PHC3: variants seen among roughly 807,000 people sequenced by gnomAD.
PHC3 encodes polyhomeotic-like protein 3.
In PHC3, 13 loss-of-function variants were observed where a neutral mutation model predicts 107.4. That is an observed-to-expected ratio of 0.12 (90% CI 0.08 to 0.19). The LOEUF is 0.19. Among genes scored for constraint, PHC3 ranks in the 10% least tolerant of loss-of-function variants. PHC3 has a pLI of 1.00. For synonymous variants in PHC3, 456 were observed against 427.4 expected, an observed-to-expected ratio of 1.07 and a Z score of -0.83; for missense variants, 992 against 1,210.9, an observed-to-expected ratio of 0.82 and a Z score of 2.68.
At position 170,126,150 on chromosome 3, in the gene PHC3, CCA is replaced by C; in HGVS notation, c.1788+2532_1788+2533del. ...AAATTCACCCTTATCTTTCAAATTTCCACATCTCTTAAAAAATACATCTTTCT... is the reference window on the plus strand; with the variant it reads ...AAATTCACCCTTATCTTTCAAATTTCCATCTCTTAAAAAATACATCTTTCT... On this transcript the variant is annotated intron_variant, in intron 8 of 14. Coordinates refer to ENST00000495893, the MANE Select transcript of PHC3 (RefSeq NM_024947.4). 1.7e-5 allele frequency: 3 copies of C among 174,884 alleles called. No homozygotes were observed. The Middle Eastern group carries it at 8.9e-3, about 517-fold the overall frequency. The allele number at this position is 174,884 out of a possible 1,614,324, so 10.8% of individuals were successfully genotyped here.
chr3:170,164,192 T>A (rs1728369249), intron 4 of PHC3, among the ~76,000 whole-genome samples: 1 of 151,990 alleles, frequency 6.6e-6, no homozygotes, highest in Non-Finnish European at 1.5e-5. Flanking sequence ...TGAGATAGTA[T>A]CTCCTAACAA....
intron 8 of PHC3, among the ~76,000 whole-genome samples, chr3:170,125,105 C>A (rs1212201866): frequency 6.6e-6 from 1 of 152,070 alleles, no homozygotes; most frequent in African/African-American, 2.4e-5. Context: ...AAGTTATTTG[C>A]TCACAACCCT....
intron 4 of PHC3, among the ~76,000 whole-genome samples, chr3:170,155,235 G>C (rs936289003): frequency 1.3e-5 from 2 of 152,172 alleles, no homozygotes; most frequent in African/African-American, 2.4e-5. Flanking sequence ...TCACTGATCA[G>C]AATCAATCAG....
intron 6 of PHC3, among the ~76,000 whole-genome samples, chr3:170,144,721 T>G (rs1456427417): frequency 6.6e-6 from 1 of 152,206 alleles, no homozygotes; most frequent in East Asian, 1.9e-4. Context: ...TTTGCATTTC[T>G]GTAATGATTA....
intron 4 of PHC3, among the ~76,000 whole-genome samples, chr3:170,159,298 T>A (rs1577211261): frequency 1.4e-5 from 2 of 143,240 alleles, no homozygotes; most frequent in African/African-American, 2.6e-5. Flanking sequence ...ATAACAGAGA[T>A]CCAAAGTATT....
chr3:170,123,925 C>T (rs1015322117), intron 8 of PHC3, among the ~76,000 whole-genome samples: 5 of 151,656 alleles, frequency 3.3e-5, no homozygotes, highest in African/African-American at 1.2e-4. Context: ...CAGCTCACTG[C>T]AATCTCTGCC....
At chr3:170,141,527 T>A (rs1577131871) in intron 6 of PHC3, among the ~76,000 whole-genome samples, 1 of 152,352 alleles carries the variant, frequency 6.6e-6, no homozygotes, top group Non-Finnish European at 1.5e-5. Flanking sequence ...AGAAAAATTG[T>A]GCTCCTCAGA....
intron 4 of PHC3, among the ~76,000 whole-genome samples, chr3:170,156,542 G>A (rs1318999669): frequency 1.3e-5 from 2 of 151,816 alleles, no homozygotes; most frequent in African/African-American, 2.4e-5. Flanking sequence ...GTGAGCCATC[G>A]CACCCGGACT....
intron 9 of PHC3, 71 bp downstream of exon 9, chr3:170,122,520 A>T: frequency 1.3e-6 from 2 of 1,533,546 alleles, no homozygotes; most frequent in Non-Finnish European, 1.8e-6. Flanking sequence ...GGAAAGGGAA[A>T]AAAATCAACT....
chr3:170,112,834 C>T (rs569474785), intron 11 of PHC3, among the ~76,000 whole-genome samples: 125 of 152,206 alleles, frequency 8.2e-4, no homozygotes, highest in African/African-American at 3.0e-3. Context: ...TTATTTCATT[C>T]TTTATTAGAA....
Position 170,097,024 on chromosome 3 carries a change from TTAA to T in PHC3, c.*203_*205del. ...TCAATGTTTCATGTAACCTGTAAAATTAATTTTACCAATGTTTATTAATTATGA... is the reference window on the plus strand; with the variant it reads ...TCAATGTTTCATGTAACCTGTAAAATTTTTACCAATGTTTATTAATTATGA... On this transcript the variant is annotated 3_prime_UTR_variant, in exon 15 of 15. Transcript: ENST00000495893. The surrounding 1 kb of genome is among the most constrained non-coding windows in gnomAD (Gnocchi z 4.1). 2.4e-6 allele frequency: 1 copy of T among 424,116 alleles called. No homozygotes were observed. Among genetic ancestry groups the T allele is most frequent in the Non-Finnish European group, 4.1e-6 (1 of 246,282 alleles). 26.3% of individuals were successfully genotyped at this position (424,116 alleles called of 1,614,324 possible). A position where few individuals can be genotyped will look rare whatever the true frequency, so the allele number is the denominator to read the frequency against.
At chr3:170,120,121 T>G (rs1028263235) in intron 9 of PHC3, among the ~76,000 whole-genome samples, 3 of 151,242 alleles carry the variant, frequency 2.0e-5, no homozygotes, top group Non-Finnish European at 4.4e-5. Context: ...TAAAACTGAC[T>G]TTTTTTTTGG....
At chr3:170,137,544 T>C (rs965390821) in intron 6 of PHC3, among the ~76,000 whole-genome samples, 8 of 152,154 alleles carry the variant, frequency 5.3e-5, no homozygotes, top group African/African-American at 1.7e-4. Context: ...GACTCCGAAG[T>C]GATCAAGCAA....
Position 170,164,309 on chromosome 3 carries a change from T to C in PHC3, c.414+7064A>G, listed in dbSNP as rs1728395365. Among the ~76,000 whole-genome samples the C allele has an allele frequency of 2.0e-5, 3 of 152,182 alleles. No homozygotes were observed. The South Asian group carries it at 6.2e-4, about 31-fold the overall frequency. On this transcript the variant is annotated intron_variant, in intron 4 of 14. Coordinates refer to ENST00000495893, the MANE Select transcript of PHC3 (RefSeq NM_024947.4). ...GTCACTTTTACTCTATATATTTGTG[T>C]TATCTATTCCTTAGGCAACAACAGT...
intron 9 of PHC3, among the ~76,000 whole-genome samples, chr3:170,117,812 T>C (rs1299234964): frequency 7.0e-6 from 1 of 143,798 alleles, no homozygotes; most frequent in Non-Finnish European, 1.5e-5. Flanking sequence ...CTGGCCAACA[T>C]GGTGAAACCC....
At position 170,172,704 on chromosome 3, in the gene PHC3, T is replaced by C. The variant is rs200989160; in HGVS notation, c.189A>G (p.Gln63=). Residue 63 remains glutamine (Q), a synonymous_variant, in exon 3 of 15, where the codon CAA becomes CAG. Coordinates refer to ENST00000495893, the MANE Select transcript of PHC3 (RefSeq NM_024947.4). The stretch of plus-strand genomic sequence containing the variant: ...AGCTGGGGGGCCGATGCAATGCCTG[T>C]TGAATTACCTGTGATAAGTCAATTG... The part of the protein sequence containing the change: ...GSDRHAVQVI[Q]QALHRPPSSA... 3.9e-4 allele frequency: 622 copies of C among 1,603,524 alleles called. 1 individual carries two copies. Among genetic ancestry groups the C allele is most frequent in the Non-Finnish European group, 4.7e-4 (551 of 1,173,176 alleles).
At chr3:170,167,146 G>A (rs1215715934) in intron 4 of PHC3, among the ~76,000 whole-genome samples, 1 of 151,990 alleles carries the variant, frequency 6.6e-6, no homozygotes, top group African/African-American at 2.4e-5. Flanking sequence ...ATTGTTATTT[G>A]TGCATATATT....
chr3:170,134,853 G>A (rs1722808103), intron 7 of PHC3, among the ~76,000 whole-genome samples: 1 of 152,140 alleles, frequency 6.6e-6, no homozygotes, highest in African/African-American at 2.4e-5. Context: ...GCTAAGATCA[G>A]TATATAAGTA....
intron 6 of PHC3, among the ~76,000 whole-genome samples, chr3:170,144,016 A>G (rs2108554590): frequency 6.6e-6 from 1 of 152,180 alleles, no homozygotes. Flanking sequence ...AGTATTTCTG[A>G]GCAGTATTCC....
Sources: gnomAD v4.1 joint callset for allele counts (sites outside exome capture counted in the v4.1 genomes callset) on GRCh38, gnomAD v4.1.1 for gene constraint, Gnocchi (gnomAD v3.1) non-coding constraint, MANE v1.5 for transcripts, NCBI Gene and HGNC (gene_info 2026-07-23, HGNC 2026-07-21) for gene names.